The following NCAM1 variants were observed in gnomAD, a reference collection of about 807,000 sequenced individuals.
The protein encoded by NCAM1 is neural cell adhesion molecule 1, also known as antigen recognized by monoclonal antibody 5.1H11.
NCAM1 carries 14 observed loss-of-function variants against 109.8 expected under a neutral mutation model. That is an observed-to-expected ratio of 0.13 (90% CI 0.08 to 0.20). NCAM1 has a LOEUF of 0.20. Among genes scored for constraint, NCAM1 ranks in the 10% least tolerant of loss-of-function variants. NCAM1 has a pLI of 1.00. For synonymous variants in NCAM1, 418 were observed against 442.9 expected (o/e 0.94, Z 0.70); for missense variants, 774 against 1,109.9 (o/e 0.70, Z 4.30).
chr11:112,974,831 G>T (rs1156988107), intron 1 of NCAM1, among the ~76,000 whole-genome samples: 1 of 150,938 alleles, frequency 6.6e-6, no homozygotes, highest in Non-Finnish European at 1.5e-5. Context: ...GTGTGTGTGT[G>T]TATGTATGTG....
chr11:113,028,513 TAATGTTTCCTAGA>T (rs76144322), intron 1 of NCAM1, among the ~76,000 whole-genome samples: 68,280 of 151,754 alleles, frequency 0.45, 16,209 homozygotes, highest in East Asian at 0.8. Flanking sequence ...ATCTATGAAT[TAATGTTTCCTAGA>T]AAGTTGTCTC....
intron 1 of NCAM1, among the ~76,000 whole-genome samples, chr11:113,054,839 G>T (rs1484120032): frequency 6.6e-6 from 1 of 152,094 alleles, no homozygotes; most frequent in Non-Finnish European, 1.5e-5. Flanking sequence ...GGGAGCAAGA[G>T]AGCCACTCAA....
At chr11:112,993,086 G>T (rs1233999528) in intron 1 of NCAM1, among the ~76,000 whole-genome samples, 1 of 152,096 alleles carries the variant, frequency 6.6e-6, no homozygotes, top group South Asian at 2.1e-4. Flanking sequence ...CTGATACTTT[G>T]CTTTTTGTAT....
chr11:113,004,360 G>A (rs1951836869), intron 1 of NCAM1, among the ~76,000 whole-genome samples: 1 of 152,058 alleles, frequency 6.6e-6, no homozygotes, highest in Non-Finnish European at 1.5e-5. Flanking sequence ...GGGCATGGTG[G>A]CACGTGCCTG....
intron 17 of NCAM1, among the ~76,000 whole-genome samples, chr11:113,262,280 T>TC (rs1555123526): frequency 6.6e-6 from 1 of 152,184 alleles, no homozygotes; most frequent in African/African-American, 2.4e-5. Flanking sequence ...GACAAGGCCA[T>TC]CCCCAATCCC....
chr11:113,029,872 A>G (rs1305045202), intron 1 of NCAM1, among the ~76,000 whole-genome samples: 1 of 152,184 alleles, frequency 6.6e-6, no homozygotes, highest in African/African-American at 2.4e-5. Flanking sequence ...AGGATGCTTG[A>G]CTTTGGCCTG....
intron 1 of NCAM1, among the ~76,000 whole-genome samples, chr11:113,116,725 G>GT (rs1207705803): frequency 6.7e-6 from 1 of 150,276 alleles, no homozygotes; most frequent in African/African-American, 2.5e-5. Flanking sequence ...ACCTCTTGTG[G>GT]TTTCTGCGTG....
intron 1 of NCAM1, among the ~76,000 whole-genome samples, chr11:113,081,075 A>T (rs1402344084): frequency 6.6e-6 from 1 of 152,220 alleles, no homozygotes; most frequent in Admixed American, 6.5e-5. Flanking sequence ...TTCTCTCAAC[A>T]TCAGAAGGTA....
At chr11:113,108,228 A>T (rs1565440888) in intron 1 of NCAM1, among the ~76,000 whole-genome samples, 2 of 152,168 alleles carry the variant, frequency 1.3e-5, no homozygotes, top group African/African-American at 4.8e-5. Flanking sequence ...AAATGGGCTT[A>T]ATTTACCTTG....
At chr11:113,109,146 G>A (rs868948736) in intron 1 of NCAM1, among the ~76,000 whole-genome samples, 21 of 151,568 alleles carry the variant, frequency 1.4e-4, no homozygotes, top group Admixed American at 6.6e-4. Flanking sequence ...TCAGGAGTTC[G>A]AGACCAGCCT....
At chr11:113,242,326 T>C (rs535166704) in intron 14 of NCAM1, among the ~76,000 whole-genome samples, 13 of 152,330 alleles carry the variant, frequency 8.5e-5, no homozygotes, top group Admixed American at 7.2e-4. Context: ...GTCTTTTAAA[T>C]ATGTATATTA....
intron 9 of NCAM1, among the ~76,000 whole-genome samples, chr11:113,225,150 G>A (rs370552094): frequency 2.0e-5 from 3 of 152,184 alleles, no homozygotes; most frequent in East Asian, 1.9e-4. Flanking sequence ...AAAGGAGGAA[G>A]TTCGAACCCA....
At chr11:113,269,341 G>A (rs1946215160) in intron 17 of NCAM1, among the ~76,000 whole-genome samples, 1 of 152,326 alleles carries the variant, frequency 6.6e-6, no homozygotes, top group East Asian at 1.9e-4. Context: ...CAGAACCAGG[G>A]TGCCAGGTGC....
At chr11:113,235,262 A>C in intron 14 of NCAM1, 98 bp downstream of exon 14, 1 of 1,606,842 alleles carries the variant, frequency 6.2e-7, no homozygotes. Context: ...TTCAGACCAC[A>C]GCTTTTTGTC....
Position 113,232,152 on chromosome 11 carries a change from C to A in NCAM1, c.1241-18C>A. On this transcript the variant is annotated intron_variant, in intron 10 of 19. Coordinates refer to ENST00000316851, the MANE Select transcript of NCAM1 (RefSeq NM_181351.5). ...TAATCATGGCAGTCATCCTGACAGTCATTGTTATTTATTGCAGATGCCCCA... is the reference window on the plus strand; with the variant it reads ...TAATCATGGCAGTCATCCTGACAGTAATTGTTATTTATTGCAGATGCCCCA... The A allele has an allele frequency of 6.4e-7, 1 of 1,566,210 alleles. No homozygotes were observed. Among genetic ancestry groups the A allele is most frequent in the Non-Finnish European group, 8.6e-7 (1 of 1,157,358 alleles).
intron 1 of NCAM1, among the ~76,000 whole-genome samples, chr11:113,146,761 G>T (rs1457432349): frequency 6.6e-6 from 1 of 152,182 alleles, no homozygotes; most frequent in Admixed American, 6.5e-5. Context: ...GGCTTTGTGG[G>T]ATAGAGGGAA....
chr11:113,089,069 C>G (rs576688331), intron 1 of NCAM1, among the ~76,000 whole-genome samples: 3 of 152,256 alleles, frequency 2.0e-5, no homozygotes, highest in Admixed American at 1.3e-4. Context: ...AATCCCAACA[C>G]TTTAGGAGGC....
At chr11:113,270,154 C>A in intron 17 of NCAM1, 34 bp from the exon 18 acceptor site, 1 of 1,607,660 alleles carries the variant, frequency 6.2e-7, no homozygotes, top group East Asian at 2.2e-5. Context: ...GCATCTCAGT[C>A]TGTTAACCAC....
intron 1 of NCAM1, among the ~76,000 whole-genome samples, chr11:113,110,936 T>C (rs1009003023): frequency 1.3e-5 from 2 of 152,152 alleles, no homozygotes; most frequent in Non-Finnish European, 2.9e-5. Flanking sequence ...TAGTGCTAAA[T>C]TTTACCAGGT....
Sources: gnomAD v4.1 joint callset for allele counts (sites outside exome capture counted in the v4.1 genomes callset) on GRCh38, gnomAD v4.1.1 for gene constraint, MANE v1.5 for transcripts, NCBI Gene and HGNC (gene_info 2026-07-23, HGNC 2026-07-21) for gene names.